Variants in CLDN10 observed in about 807,000 individuals in gnomAD.
CLDN10 encodes the protein claudin-10.
A neutral mutation model predicts 22.9 loss-of-function variants in CLDN10; 15 were observed. The observed-to-expected ratio is 0.65, with a 90% confidence interval of 0.44 to 1.01. The LOEUF is 1.01. Ranked by LOEUF, CLDN10 falls within the 50% of genes least tolerant of loss-of-function variation. The pLI is 0.00. For synonymous variants in CLDN10, 114 were observed against 111.4 expected, an observed-to-expected ratio of 1.02 and a Z score of -0.15; for missense variants, 247 against 287.8, an observed-to-expected ratio of 0.86 and a Z score of 1.03.
chr13:95,495,020 A>ATAAT (rs34849170), intron 1 of CLDN10, among the ~76,000 whole-genome samples: 65,256 of 147,692 alleles, frequency 0.44, 15,341 homozygotes, highest in Non-Finnish European at 0.52. Flanking sequence ...TCCTTTCAAT[A>ATAAT]TAATTAATTA....
intron 1 of CLDN10, among the ~76,000 whole-genome samples, chr13:95,537,978 G>T (rs9652107): frequency 0.51 from 78,086 of 151,828 alleles, 20,373 homozygotes; most frequent in African/African-American, 0.56. Context: ...AGCACTAAAT[G>T]AGGGCAAATG....
In CLDN10 at chr13:95,570,814, A is replaced by G. The variant is rs563704860; in HGVS notation, c.465-6417A>G. Among the ~76,000 whole-genome samples the G allele has an allele frequency of 2.9e-4, 42 of 145,198 alleles. 1 individual carries two copies. The highest frequency in any genetic ancestry group is 5.0e-4 in the Admixed American group (7 of 14,082). On this transcript the variant is annotated intron_variant, in intron 3 of 4. Coordinates refer to ENST00000299339, the MANE Select transcript of CLDN10 (RefSeq NM_006984.5). ...GGAATAAAATATATACATAATTTAA[A>G]AATGTATATATATATACACACACAC...
At chr13:95,499,809 A>G (rs2042966468) in intron 1 of CLDN10, among the ~76,000 whole-genome samples, 1 of 152,182 alleles carries the variant, frequency 6.6e-6, no homozygotes, top group Admixed American at 6.5e-5. Flanking sequence ...GCACTAGAAA[A>G]AAGTTCCTTT....
chr13:95,509,702 T>A (rs1444334645), intron 1 of CLDN10, among the ~76,000 whole-genome samples: 1 of 152,162 alleles, frequency 6.6e-6, no homozygotes, highest in African/African-American at 2.4e-5. Context: ...GTGATTCCAG[T>A]CCCCTCTGGA....
rs116052152 is a variant in CLDN10, at chr13:95,434,964, G to A, written c.214+917G>A. On this transcript the variant is annotated intron_variant, in intron 1 of 4. Coordinates refer to the CLDN10 transcript ENST00000376873. ...ATAACAGCAAGAAAAATTTGAAAGCGGTTAAGTGAAAGAAAATGCTGTTTA... is the reference window on the plus strand; with the variant it reads ...ATAACAGCAAGAAAAATTTGAAAGCAGTTAAGTGAAAGAAAATGCTGTTTA... 4.3e-3 allele frequency among the ~76,000 whole-genome samples: 658 copies of A among 151,854 alleles called. 5 individuals are homozygous for A. Among genetic ancestry groups the A allele is most frequent in the African/African-American group, 0.015 (605 of 41,446 alleles).
intron 1 of CLDN10, among the ~76,000 whole-genome samples, chr13:95,483,801 G>A (rs768259289): frequency 2.6e-5 from 4 of 152,164 alleles, no homozygotes. Flanking sequence ...CCAGGCATGA[G>A]TGTGCTATGG....
rs2042522668 is a variant in CLDN10, at chr13:95,460,274, A to C, written c.214+26227A>C. Among the ~76,000 whole-genome samples the C allele has an allele frequency of 2.0e-5, 3 of 152,128 alleles. No individual in the cohort carries two copies. The South Asian group carries it at 6.2e-4, about 32-fold the overall frequency. ...CAAACTCTTCCAACCTCTGCCTGTT[A>C]CCCAGTTCCAAAGTTGCTTCCACAT... On this transcript the variant is annotated intron_variant, in intron 1 of 4. Transcript: ENST00000376873.
At chr13:95,482,779 C>T (rs998289449) in intron 1 of CLDN10, among the ~76,000 whole-genome samples, 31 of 152,086 alleles carry the variant, frequency 2.0e-4, no homozygotes, top group African/African-American at 5.6e-4. Flanking sequence ...GAGTTTGAGA[C>T]CACCCTGGCC....
chr13:95,524,730 G>A (rs1030775125), intron 1 of CLDN10, among the ~76,000 whole-genome samples: 8 of 152,144 alleles, frequency 5.3e-5, no homozygotes, highest in African/African-American at 1.9e-4. Context: ...TTGAGAACCT[G>A]CCAGACTCTT....
chr13:95,470,303 T>G (rs2042617657), intron 1 of CLDN10, among the ~76,000 whole-genome samples: 1 of 152,170 alleles, frequency 6.6e-6, no homozygotes, highest in Non-Finnish European at 1.5e-5. Flanking sequence ...TAGAGAGTCT[T>G]GCTATGTTAA....
chr13:95,462,162 A>G (rs1201580704), intron 1 of CLDN10, among the ~76,000 whole-genome samples: 2 of 152,224 alleles, frequency 1.3e-5, no homozygotes, highest in Non-Finnish European at 2.9e-5. Context: ...TGTTGGGTAA[A>G]GCCTGTAAAA....
chr13:95,508,749 G>T (rs775726750), intron 1 of CLDN10, among the ~76,000 whole-genome samples: 8 of 152,230 alleles, frequency 5.3e-5, no homozygotes, highest in Non-Finnish European at 1.0e-4. Flanking sequence ...AATCCTGAAG[G>T]ATGAGTAGGA....
chr13:95,472,004 G>T (rs374775534), intron 1 of CLDN10, among the ~76,000 whole-genome samples: 2 of 139,896 alleles, frequency 1.4e-5, no homozygotes, highest in Non-Finnish European at 3.0e-5. Flanking sequence ...GGCTGGTCTC[G>T]AACTCCTGCA....
At chr13:95,476,010 A>G (rs977365699) in intron 1 of CLDN10, among the ~76,000 whole-genome samples, 3 of 151,962 alleles carry the variant, frequency 2.0e-5, no homozygotes, top group African/African-American at 7.3e-5. Context: ...TTCCACCCCC[A>G]TCGCCCAGAT....
At chr13:95,536,061 G>C (rs1158567762) in intron 1 of CLDN10, among the ~76,000 whole-genome samples, 2 of 152,058 alleles carry the variant, frequency 1.3e-5, no homozygotes, top group African/African-American at 2.4e-5. Flanking sequence ...GGTGGACAGA[G>C]AGACTGTGAT....
intron 1 of CLDN10, among the ~76,000 whole-genome samples, chr13:95,461,157 G>T (rs572597565): frequency 1.1e-4 from 16 of 151,886 alleles, no homozygotes; most frequent in African/African-American, 3.1e-4. Context: ...TCCCTATGTT[G>T]CCCAGGCCGG....
chr13:95,434,099 G>C (rs962841127), intron 1 of CLDN10: 2 of 1,503,086 alleles, frequency 1.3e-6, no homozygotes, highest in Non-Finnish European at 1.8e-6. Context: ...TTTTCCCCCC[G>C]ACTGTGCTGA....
At chr13:95,495,540 C>T (rs1438302647) in intron 1 of CLDN10, among the ~76,000 whole-genome samples, 2 of 150,852 alleles carry the variant, frequency 1.3e-5, no homozygotes, top group Admixed American at 6.6e-5. Context: ...GTCAGGAGAT[C>T]GAGGCCATCC....
intron 3 of CLDN10, among the ~76,000 whole-genome samples, chr13:95,573,451 A>G (rs1281937979): frequency 6.6e-6 from 1 of 152,250 alleles, no homozygotes; most frequent in Non-Finnish European, 1.5e-5. Context: ...GCCGAGGGCC[A>G]GGAGGATATT....
Sources: allele counts gnomAD v4.1 joint callset (sites outside exome capture counted in the v4.1 genomes callset), GRCh38; gene constraint gnomAD v4.1.1; transcripts MANE v1.5; gene names NCBI Gene and HGNC (gene_info 2026-07-23, HGNC 2026-07-21).